The following ROBO2 variants were observed in gnomAD, a reference collection of about 807,000 sequenced individuals.
The protein encoded by ROBO2 is roundabout homolog 2.
ROBO2 carries 53 observed loss-of-function variants against 160.8 expected under a neutral mutation model. That is an observed-to-expected ratio of 0.33 (90% CI 0.26 to 0.41). The LOEUF is 0.41. Among genes scored for constraint, ROBO2 ranks in the 10% least tolerant of loss-of-function variants. The pLI, the probability that ROBO2 is intolerant of heterozygous loss-of-function variation, is 1.00. For synonymous variants in ROBO2, 664 were observed against 611.7 expected, an observed-to-expected ratio of 1.09 and a Z score of -1.26; for missense variants, 1,577 against 1,722.4, an observed-to-expected ratio of 0.92 and a Z score of 1.49.
intron 1 of ROBO2, among the ~76,000 whole-genome samples, chr3:75,911,034 C>A (rs1416596031): frequency 6.7e-6 from 1 of 148,932 alleles, no homozygotes; most frequent in Non-Finnish European, 1.5e-5. Context: ...GTAAACAATG[C>A]AATTTTTTTT....
At chr3:77,337,851 C>T (rs1412559182) in intron 2 of ROBO2, among the ~76,000 whole-genome samples, 2 of 152,096 alleles carry the variant, frequency 1.3e-5, no homozygotes, top group Admixed American at 6.6e-5. Flanking sequence ...TATGGATAAT[C>T]AGTAAAATCA....
At chr3:77,257,320 T>C (rs2119745) in intron 2 of ROBO2, among the ~76,000 whole-genome samples, 88,687 of 152,004 alleles carry the variant, frequency 0.58, 26,341 homozygotes, top group Middle Eastern at 0.74. Context: ...TGAACAAACA[T>C]GGCCCAGTGA....
intron 1 of ROBO2, among the ~76,000 whole-genome samples, chr3:77,047,197 T>A (rs1023749432): frequency 1.3e-5 from 2 of 152,144 alleles, no homozygotes; most frequent in African/African-American, 4.8e-5. Context: ...AAGTCTAGAT[T>A]GATTGCAACA....
intron 2 of ROBO2, among the ~76,000 whole-genome samples, chr3:77,226,495 A>G (rs2086514342): frequency 6.6e-6 from 1 of 152,022 alleles, no homozygotes; most frequent in African/African-American, 2.4e-5. Flanking sequence ...CCATGCTAAA[A>G]TTTGAACAGA....
Position 76,706,067 on chromosome 3 carries a change from A to T in ROBO2, c.110-391947A>T, listed in dbSNP as rs544427018. On this transcript the variant is annotated intron_variant, in intron 2 of 26. Coordinates refer to the ROBO2 transcript ENST00000487694. ...ATATGTTAAGCTTTTATAGTAATCC[A>T]TAGAAGAAAGCAATAATAGTATTCA... is the stretch of plus-strand genomic sequence containing the variant. Among the ~76,000 whole-genome samples, 6 of 152,270 alleles carry T rather than the reference A, an allele frequency of 3.9e-5. No individual in the cohort carries two copies. The East Asian group carries it at 1.2e-3, about 29-fold the overall frequency.
At chr3:77,233,614 C>T (rs895381955) in intron 2 of ROBO2, among the ~76,000 whole-genome samples, 2 of 152,094 alleles carry the variant, frequency 1.3e-5, no homozygotes, top group East Asian at 3.9e-4. Flanking sequence ...TAGTATAATA[C>T]TTTTATATCA....
At chr3:76,309,283 C>T (rs1478145108) in intron 2 of ROBO2, among the ~76,000 whole-genome samples, 1 of 152,074 alleles carries the variant, frequency 6.6e-6, no homozygotes, top group East Asian at 1.9e-4. Context: ...AAATATAGCT[C>T]CCCATTTTTA....
chr3:77,005,207 C>T (rs2061521847), intron 2 of ROBO2, among the ~76,000 whole-genome samples: 1 of 152,170 alleles, frequency 6.6e-6, no homozygotes, highest in Admixed American at 6.5e-5. Flanking sequence ...TCTATGGCCG[C>T]CGCCTTGCTG....
chr3:77,574,589 G>A (rs1204020763), exon 14 of ROBO2: 1 of 1,613,440 alleles, frequency 6.2e-7, no homozygotes. Context: ...GCAGAATTTA[G>A]ATGCCAAAGT....
intron 2 of ROBO2, among the ~76,000 whole-genome samples, chr3:76,131,519 A>C (rs890621928): frequency 6.6e-6 from 1 of 152,114 alleles, no homozygotes; most frequent in Non-Finnish European, 1.5e-5. Flanking sequence ...CTCACAGAGC[A>C]AGAGGCTGAA....
chr3:77,564,674 T>C (rs1161254383), intron 11 of ROBO2: 1 of 517,596 alleles, frequency 1.9e-6, no homozygotes, highest in Admixed American at 3.1e-5. Flanking sequence ...TTTACAGGTA[T>C]TCATTTAGTG....
chr3:77,385,418 T>G (rs1405641604), intron 2 of ROBO2, among the ~76,000 whole-genome samples: 1 of 152,240 alleles, frequency 6.6e-6, no homozygotes, highest in African/African-American at 2.4e-5. Context: ...ATTTTAAAAT[T>G]CAAAATTATT....
In ROBO2 at chr3:77,390,047, A is replaced by G. The variant is rs565790931; in HGVS notation, c.389-87367A>G. On this transcript the variant is annotated intron_variant, in intron 2 of 25. Transcript: ENST00000461745. ...CAGCAACCTATGTCCAGAAGAGAGG[A>G]AACAGATTTTCCAAATATCAGTCTT... Among the ~76,000 whole-genome samples the G allele has an allele frequency of 9.8e-5, 15 of 152,290 alleles. No individual in the cohort carries two copies. In the South Asian group the frequency reaches 1.9e-3, roughly 19 times the overall value.
intron 2 of ROBO2, among the ~76,000 whole-genome samples, chr3:77,437,727 G>C (rs1383631864): frequency 6.6e-6 from 1 of 151,838 alleles, no homozygotes; most frequent in Non-Finnish European, 1.5e-5. Context: ...AATGGCTTAG[G>C]TTTTTGAATT....
rs544634299 is a variant in ROBO2 at position 76,457,863 on chromosome 3, C to T, written c.109+520261C>T. Among the ~76,000 whole-genome samples, 17 of 152,288 alleles carry T rather than the reference C, an allele frequency of 1.1e-4. No individual in the cohort carries two copies. In the East Asian group the frequency reaches 3.3e-3, roughly 29 times the overall value. On this transcript the variant is annotated intron_variant, in intron 2 of 26. Transcript: ENST00000487694. ...TCTGAAGCCACAGCCCAAGCTGTAC[C>T]TTGGCCCCTTTCAGCCATGGTTGGT... is the stretch of plus-strand genomic sequence containing the variant.
chr3:76,221,689 GCTGCTT>G lies in ROBO2; in HGVS notation c.109+284091_109+284096del, dbSNP rs552826035. ...CCCTTTTATCATTTTTATCAAGTTA[GCTGCTT>G]CTGGATGATGGGGAACATGGTAAGA... On this transcript the variant is annotated intron_variant, in intron 2 of 26. Coordinates refer to the ROBO2 transcript ENST00000487694. 8.1e-4 allele frequency among the ~76,000 whole-genome samples: 123 copies of G among 152,298 alleles called. No homozygotes were observed. In the Middle Eastern group the frequency reaches 0.01, roughly 13 times the overall value.
chr3:76,462,201 A>G (rs555952002), intron 2 of ROBO2, among the ~76,000 whole-genome samples: 2 of 152,238 alleles, frequency 1.3e-5, no homozygotes, highest in African/African-American at 2.4e-5. Context: ...ATGCAAAAGC[A>G]TAATAATAAA....
chr3:76,625,865 A>T (rs2109352323), intron 2 of ROBO2, among the ~76,000 whole-genome samples: 1 of 152,230 alleles, frequency 6.6e-6, no homozygotes, highest in East Asian at 1.9e-4. Flanking sequence ...ACAGATGAAA[A>T]TGTGATTTTT....
At chr3:76,010,679 TGTA>T (rs1269778512) in intron 2 of ROBO2, among the ~76,000 whole-genome samples, 3 of 152,344 alleles carry the variant, frequency 2.0e-5, no homozygotes, top group Middle Eastern at 6.8e-3. Flanking sequence ...AATTAAGAAA[TGTA>T]GTTTAAAATT....
Sources: allele counts gnomAD v4.1 joint callset (sites outside exome capture counted in the v4.1 genomes callset), GRCh38; gene constraint gnomAD v4.1.1; transcripts MANE v1.5; gene names NCBI Gene and HGNC (gene_info 2026-07-23, HGNC 2026-07-21).